Variants in OAS1 observed in about 807,000 individuals in gnomAD.
The protein encoded by OAS1 is 2'-5'-oligoadenylate synthase 1.
In OAS1, 24 loss-of-function variants were observed where a neutral mutation model predicts 38.5. The ratio of observed to expected loss-of-function variants is 0.62; its 90% CI spans 0.45 to 0.88. OAS1 has a LOEUF of 0.88. Ranked by LOEUF, OAS1 falls within the 40% of genes least tolerant of loss-of-function variation. OAS1 has a pLI of 0.00. For missense variants in OAS1, 482 were observed against 493.9 expected (o/e 0.98, Z 0.23); for synonymous variants, 169 against 193.9 (o/e 0.87, Z 1.07).
intron 3 of OAS1, among the ~76,000 whole-genome samples, chr12:112,914,856 C>T (rs2136313087): frequency 6.6e-6 from 1 of 151,198 alleles, no homozygotes; most frequent in Middle Eastern, 3.4e-3. Flanking sequence ...CGTCATTTAG[C>T]ATTAGGTATA....
chr12:112,916,444 A>G, intron 3 of OAS1, 65 bp from the exon 4 acceptor site: 1 of 1,241,412 alleles, frequency 8.1e-7, no homozygotes, highest in Non-Finnish European at 1.2e-6. Flanking sequence ...TTGGCCCATG[A>G]GAAGTGTAGT....
intron 1 of OAS1, among the ~76,000 whole-genome samples, chr12:112,908,013 G>A (rs541490029): frequency 1.3e-5 from 2 of 152,292 alleles, no homozygotes; most frequent in Admixed American, 6.5e-5. Flanking sequence ...AGCATAAAGC[G>A]CTGCTTCTCT....
downstream of OAS1, among the ~76,000 whole-genome samples, chr12:112,923,942 C>CCTGAAA (rs1265258993): frequency 6.6e-6 from 1 of 152,198 alleles, no homozygotes; most frequent in Admixed American, 6.5e-5. Flanking sequence ...AAACGTAAGA[C>CCTGAAA]CTGAAACTGA....
intron 3 of OAS1, among the ~76,000 whole-genome samples, chr12:112,911,940 G>T (rs2043388566): frequency 6.6e-6 from 1 of 152,206 alleles, no homozygotes; most frequent in Admixed American, 6.5e-5. Flanking sequence ...AGTTAGATAA[G>T]GTTAGGCATT....
chr12:112,917,490 A>T (rs1360164036), intron 4 of OAS1, 57 bp from the exon 5 acceptor site: 2 of 1,603,508 alleles, frequency 1.2e-6, no homozygotes, highest in Non-Finnish European at 1.7e-6. Flanking sequence ...GAGCATCTGG[A>T]CTCCCTAGAC....
chr12:112,928,584 G>T (rs1408672413), intron 6 of OAS1, among the ~76,000 whole-genome samples: 1 of 152,202 alleles, frequency 6.6e-6, no homozygotes, highest in East Asian at 1.9e-4. Flanking sequence ...TGCATTTAAG[G>T]CTGTTCTGTG....
chr12:112,925,228 C>T (rs1428231579), intron 6 of OAS1, among the ~76,000 whole-genome samples: 4 of 152,104 alleles, frequency 2.6e-5, no homozygotes, highest in South Asian at 2.1e-4. Context: ...CCCAGCTCAA[C>T]GAGGGGGTGA....
intron 6 of OAS1, among the ~76,000 whole-genome samples, chr12:112,925,637 T>C (rs977832718): frequency 6.6e-6 from 1 of 151,994 alleles, no homozygotes; most frequent in African/African-American, 2.4e-5. Context: ...AATAAAAAAA[T>C]TAGCCAGGTG....
intron 1 of OAS1, 31 bp downstream of exon 1, chr12:112,907,250 G>C (rs778581219): frequency 3.7e-6 from 6 of 1,607,558 alleles, no homozygotes; most frequent in Middle Eastern, 1.7e-4. Flanking sequence ...CCAGGGGAGG[G>C]GTGGCTGAAT....
rs1282052115 is a variant in OAS1 at position 112,907,020 on chromosome 12, T to C, written c.-20T>C. 2 of 1,613,916 alleles carry C rather than the reference T, an allele frequency of 1.2e-6. No homozygotes were observed. Among genetic ancestry groups the C allele is most frequent in the Non-Finnish European group, 8.5e-7 (1 of 1,179,772 alleles). On this transcript the variant is annotated 5_prime_UTR_variant, in exon 1 of 6. Transcript: ENST00000202917. ...AAACAGGTCTGGGAGGCAGTTCTGT[T>C]GCCACTCTCTCTCCTGTCAATGATG... is the stretch of plus-strand genomic sequence containing the variant.
intron 3 of OAS1, among the ~76,000 whole-genome samples, chr12:112,912,809 A>G (rs756997527): frequency 1.3e-5 from 2 of 152,216 alleles, no homozygotes; most frequent in African/African-American, 4.8e-5. Context: ...TTAAAACAAG[A>G]CAAGATTAAC....
downstream of OAS1, among the ~76,000 whole-genome samples, chr12:112,920,149 G>A (rs1593164661): frequency 6.6e-6 from 1 of 152,162 alleles, no homozygotes; most frequent in Admixed American, 6.5e-5. Flanking sequence ...CTGTCCTCAT[G>A]GAGTTGACAT....
At chr12:112,919,359 C>A (rs1231015755) in intron 5 of OAS1, 30 bp from the exon 6 acceptor site, 1 of 1,589,018 alleles carries the variant, frequency 6.3e-7, no homozygotes, top group South Asian at 1.1e-5. Context: ...GGAAGACTCC[C>A]TGATGTGATC....
chr12:112,907,230 G>C lies in OAS1; in HGVS notation c.180+11G>C, dbSNP rs1183751004. 4.3e-6 allele frequency: 7 copies of C among 1,612,328 alleles called. No homozygotes were observed. Among genetic ancestry groups the C allele is most frequent in the Non-Finnish European group, 5.9e-6 (7 of 1,178,556 alleles). On this transcript the variant is annotated intron_variant, in intron 1 of 5. Coordinates refer to ENST00000202917, the MANE Select transcript of OAS1 (RefSeq NM_016816.4). ...TCCAAGGTGGTAAAGGTGAGTCCAG[G>C]CCTGCCTGGCCAGGGGAGGGGTGGC...
intron 3 of OAS1, 88 bp downstream of exon 3, chr12:112,911,323 G>A (rs751258202): frequency 9.7e-7 from 1 of 1,027,364 alleles, no homozygotes; most frequent in Non-Finnish European, 1.4e-6. Context: ...GGGAGTGAAG[G>A]GAAGAGGAGG....
downstream of OAS1, chr12:112,932,144 C>G: frequency 2.1e-6 from 1 of 487,024 alleles, no homozygotes; most frequent in East Asian, 3.5e-5. Flanking sequence ...CCCTCCCTCT[C>G]TTCCTCCCTG....
intron 5 of OAS1, 56 bp from the exon 6 acceptor site, chr12:112,919,333 A>C: frequency 6.7e-7 from 1 of 1,492,462 alleles, no homozygotes; most frequent in Non-Finnish European, 9.2e-7. Flanking sequence ...TGCTCACTGA[A>C]TCCAGCTGCA....
At chr12:112,921,316 T>C (rs965742763), downstream of OAS1, among the ~76,000 whole-genome samples, 2 of 152,220 alleles carry the variant, frequency 1.3e-5, no homozygotes, top group African/African-American at 4.8e-5. Context: ...TAGGCAAGTG[T>C]GGACATCCCA....
chr12:112,914,735 T>TG (rs1248807102), intron 3 of OAS1, among the ~76,000 whole-genome samples: 2 of 150,258 alleles, frequency 1.3e-5, no homozygotes, highest in South Asian at 2.1e-4. Flanking sequence ...TATTTGTTTT[T>TG]TTTTTTTTTT....
Sources: allele counts gnomAD v4.1 joint callset (sites outside exome capture counted in the v4.1 genomes callset), GRCh38; gene constraint gnomAD v4.1.1; transcripts MANE v1.5; gene names NCBI Gene and HGNC (gene_info 2026-07-23, HGNC 2026-07-21).